The following SNX24 variants were observed in gnomAD, a reference collection of about 807,000 sequenced individuals.
SNX24 encodes the protein sorting nexin-24.
SNX24 carries 22 observed loss-of-function variants against 28.7 expected under a neutral mutation model. The observed-to-expected ratio is 0.77, with a 90% CI of 0.55 to 1.10. SNX24 has a LOEUF of 1.10. Among genes scored for constraint, SNX24 ranks in the 50% least tolerant of loss-of-function variants. The pLI is 0.00. For missense variants in SNX24, 221 were observed against 201.1 expected (o/e 1.10, Z -0.60); for synonymous variants, 69 against 71.5 (o/e 0.96, Z 0.18).
intron 1 of SNX24, among the ~76,000 whole-genome samples, chr5:122,867,315 G>A (rs1285449049): frequency 1.3e-5 from 2 of 152,198 alleles, no homozygotes; most frequent in African/African-American, 4.8e-5. Context: ...TAAGTCCAGG[G>A]ATGATAGTTC....
chr5:122,906,627 G>C (rs1281521263), intron 1 of SNX24, among the ~76,000 whole-genome samples: 1 of 152,156 alleles, frequency 6.6e-6, no homozygotes. Context: ...TCCTGCCTCA[G>C]CCTCCTGAGT....
intron 1 of SNX24, among the ~76,000 whole-genome samples, chr5:122,913,366 C>T (rs573249471): frequency 5.9e-4 from 90 of 151,470 alleles, no homozygotes; most frequent in Non-Finnish European, 2.7e-4. Context: ...ACCTCCCTCC[C>T]GGACGGGGCG....
At chr5:122,852,244 C>T (rs67324184) in intron 1 of SNX24, among the ~76,000 whole-genome samples, 26,290 of 151,398 alleles carry the variant, frequency 0.17, 2,765 homozygotes, top group East Asian at 0.46. Flanking sequence ...AAACATGTGC[C>T]GTGGTGGTTT....
chr5:122,884,251 C>CTTTTTTTTTTTTTT (rs758617172), intron 1 of SNX24, among the ~76,000 whole-genome samples: 6 of 92,748 alleles, frequency 6.5e-5, no homozygotes, highest in Non-Finnish European at 9.7e-5. Context: ...GTTTCTTTTT[C>CTTTTTTTTTTTTTT]TTTTTTTTTT....
downstream of SNX24, among the ~76,000 whole-genome samples, chr5:123,010,779 T>C (rs1424143252): frequency 1.3e-5 from 2 of 152,214 alleles, no homozygotes; most frequent in African/African-American, 2.4e-5. Flanking sequence ...GCAGATATTG[T>C]ATGTTTAGTG....
chr5:122,922,586 A>G (rs897565863), intron 1 of SNX24, among the ~76,000 whole-genome samples: 1 of 151,904 alleles, frequency 6.6e-6, no homozygotes, highest in African/African-American at 2.4e-5. Context: ...GTTAACTTAA[A>G]TTTAAAATAG....
chr5:122,862,358 G>A (rs758515629), intron 1 of SNX24, among the ~76,000 whole-genome samples: 1 of 152,248 alleles, frequency 6.6e-6, no homozygotes, highest in African/African-American at 2.4e-5. Context: ...GCTGGCGCCT[G>A]TAATCCCAGC....
At chr5:122,870,145 CAT>C (rs777442332) in intron 1 of SNX24, among the ~76,000 whole-genome samples, 33 of 152,292 alleles carry the variant, frequency 2.2e-4, no homozygotes, top group Admixed American at 2.6e-4. Context: ...ATCTAGGCCT[CAT>C]GTGAGAATTT....
chr5:122,917,251 A>G (rs1195834135), intron 1 of SNX24, among the ~76,000 whole-genome samples: 1 of 148,134 alleles, frequency 6.8e-6, no homozygotes, highest in Non-Finnish European at 1.5e-5. Flanking sequence ...GTGAGACTTC[A>G]TCTCAAAAAA....
chr5:122,972,957 C>T (rs1198073637), intron 3 of SNX24, among the ~76,000 whole-genome samples: 2 of 152,216 alleles, frequency 1.3e-5, no homozygotes, highest in African/African-American at 2.4e-5. Flanking sequence ...CATGCATAAC[C>T]TCCATCCCTG....
chr5:122,900,705 C>G (rs775347268), intron 1 of SNX24, among the ~76,000 whole-genome samples: 5 of 151,852 alleles, frequency 3.3e-5, no homozygotes, highest in African/African-American at 9.7e-5. Context: ...GGAGGTCAAG[C>G]CTGCAGTGAG....
intron 1 of SNX24, among the ~76,000 whole-genome samples, chr5:122,892,651 T>A (rs1379667840): frequency 6.6e-6 from 1 of 152,044 alleles, no homozygotes; most frequent in Non-Finnish European, 1.5e-5. Context: ...TTGGCCAGGC[T>A]GCTCTTGAAC....
chr5:122,902,108 T>G (rs537456408), intron 1 of SNX24, among the ~76,000 whole-genome samples: 2 of 152,340 alleles, frequency 1.3e-5, no homozygotes, highest in Admixed American at 1.3e-4. Flanking sequence ...CTGGCCCTTG[T>G]TCACACTCCT....
chr5:122,989,550 G>A (rs1022078093), intron 3 of SNX24, among the ~76,000 whole-genome samples: 20 of 152,246 alleles, frequency 1.3e-4, no homozygotes, highest in African/African-American at 4.8e-4. Context: ...GTGTTATTGG[G>A]AAATGTTGGG....
At chr5:122,859,335 A>G (rs1755348394) in intron 1 of SNX24, among the ~76,000 whole-genome samples, 1 of 152,136 alleles carries the variant, frequency 6.6e-6, no homozygotes, top group Non-Finnish European at 1.5e-5. Flanking sequence ...TGGGTGTGGT[A>G]GCTCATGCCT....
intron 6 of SNX24, among the ~76,000 whole-genome samples, chr5:123,006,846 A>C (rs1762438977): frequency 6.6e-6 from 1 of 152,250 alleles, no homozygotes; most frequent in Non-Finnish European, 1.5e-5. Context: ...TTATTTACAC[A>C]GTAGACAATA....
chr5:122,942,577 G>C (rs1243234741), intron 2 of SNX24, among the ~76,000 whole-genome samples: 1 of 152,170 alleles, frequency 6.6e-6, no homozygotes, highest in South Asian at 2.1e-4. Context: ...AGGTCTGTGT[G>C]GAATAAGTTC....
intron 1 of SNX24, among the ~76,000 whole-genome samples, chr5:122,916,296 T>G (rs2150096625): frequency 6.6e-6 from 1 of 152,348 alleles, no homozygotes. Flanking sequence ...TGACTCTGTT[T>G]CCAGGGAGAC....
intron 1 of SNX24, among the ~76,000 whole-genome samples, chr5:122,882,788 A>G (rs1199078514): frequency 6.6e-6 from 1 of 152,014 alleles, no homozygotes; most frequent in Non-Finnish European, 1.5e-5. Context: ...GTAAATGTCA[A>G]TTTTTCAGCT....
Sources: gnomAD v4.1 joint callset for allele counts (sites outside exome capture counted in the v4.1 genomes callset) on GRCh38, gnomAD v4.1.1 for gene constraint, MANE v1.5 for transcripts, NCBI Gene and HGNC (gene_info 2026-07-23, HGNC 2026-07-21) for gene names.